Variants in NRXN3 observed in about 807,000 individuals in gnomAD.
The protein encoded by NRXN3 is neurexin III.
Under a neutral mutation model 137.6 loss-of-function variants are expected in NRXN3, and 32 were observed. The observed-to-expected ratio is 0.23, with a 90% confidence interval of 0.18 to 0.31. The LOEUF (loss-of-function observed/expected upper bound fraction) is 0.31. Ranked by LOEUF, NRXN3 falls within the 10% of genes least tolerant of loss-of-function variation. The probability of loss-of-function intolerance (pLI) is 1.00; values close to 1 mark genes in which losing one functional copy is unlikely to be tolerated. For missense variants in NRXN3, 1,574 were observed against 2,062.5 expected (o/e 0.76, Z 4.59); for synonymous variants, 798 against 784.5 (o/e 1.02, Z -0.29).
intron 15 of NRXN3, among the ~76,000 whole-genome samples, chr14:79,400,091 A>G (rs546750526): frequency 2.4e-4 from 36 of 152,340 alleles, no homozygotes; most frequent in African/African-American, 7.2e-5. Context: ...CCCTAATCCA[A>G]TATGACCTCA....
intron 16 of NRXN3, among the ~76,000 whole-genome samples, chr14:79,543,833 G>A (rs1459655597): frequency 6.6e-6 from 1 of 152,164 alleles, no homozygotes; most frequent in Non-Finnish European, 1.5e-5. Context: ...TGAGTTTAGA[G>A]TTGTCAGCTT....
At chr14:79,164,820 T>C (rs2061139674) in intron 15 of NRXN3, among the ~76,000 whole-genome samples, 1 of 152,030 alleles carries the variant, frequency 6.6e-6, no homozygotes, top group Admixed American at 6.6e-5. Context: ...GTCTCCTTAC[T>C]GAAATTTTAT....
At chr14:79,162,948 C>T (rs915106233) in intron 15 of NRXN3, among the ~76,000 whole-genome samples, 8 of 151,922 alleles carry the variant, frequency 5.3e-5, no homozygotes, top group Admixed American at 1.3e-4. Flanking sequence ...TTTTATTTCT[C>T]CTCTCTTACA....
intron 2 of NRXN3, among the ~76,000 whole-genome samples, chr14:78,248,817 G>T (rs1259101351): frequency 6.6e-6 from 1 of 152,120 alleles, no homozygotes; most frequent in Non-Finnish European, 1.5e-5. Context: ...CAGAAGCAGG[G>T]CCTTAAAATG....
intron 20 of NRXN3, among the ~76,000 whole-genome samples, chr14:79,818,528 T>C (rs1157685568): frequency 6.6e-6 from 1 of 152,142 alleles, no homozygotes; most frequent in African/African-American, 2.4e-5. Context: ...TAGAACACAG[T>C]GATTTAGGTG....
chr14:79,751,231 T>A (rs1161251974), intron 19 of NRXN3, among the ~76,000 whole-genome samples: 1 of 152,106 alleles, frequency 6.6e-6, no homozygotes, highest in East Asian at 1.9e-4. Context: ...TTTGTTTGTA[T>A]CCTCTTTTAT....
At chr14:78,914,001 G>A (rs958227841) in intron 10 of NRXN3, among the ~76,000 whole-genome samples, 1 of 152,060 alleles carries the variant, frequency 6.6e-6, no homozygotes. Context: ...GTTCTGTGCC[G>A]GAGTCTCTGA....
chr14:78,178,070 T>C (rs1416326470), intron 1 of NRXN3: 1 of 152,238 alleles, frequency 6.6e-6, no homozygotes, highest in East Asian at 1.9e-4. Flanking sequence ...GTCTTACAAA[T>C]GAAGTAACTG....
chr14:79,103,789 G>T (rs1271517671), intron 15 of NRXN3, among the ~76,000 whole-genome samples: 7 of 152,134 alleles, frequency 4.6e-5, no homozygotes. Flanking sequence ...CTGTATTTCA[G>T]TTCTCAAATG....
intron 15 of NRXN3, among the ~76,000 whole-genome samples, chr14:79,241,178 G>C (rs532218980): frequency 6.6e-6 from 1 of 152,098 alleles, no homozygotes; most frequent in Admixed American, 6.6e-5. Flanking sequence ...CTCTGAGATA[G>C]GACAAGATGA....
At chr14:78,341,403 T>C (rs1049699034) in intron 4 of NRXN3, among the ~76,000 whole-genome samples, 11 of 152,250 alleles carry the variant, frequency 7.2e-5, no homozygotes, top group Admixed American at 3.3e-4. Flanking sequence ...AGAAGCTAGG[T>C]CTGTAAAGGC....
chr14:79,654,185 T>C (rs527975405), intron 16 of NRXN3, among the ~76,000 whole-genome samples: 1 of 152,248 alleles, frequency 6.6e-6, no homozygotes, highest in East Asian at 1.9e-4. Flanking sequence ...TTTCTTCCAA[T>C]AGGTGAATGA....
At chr14:79,354,065 G>T (rs893357411) in intron 15 of NRXN3, among the ~76,000 whole-genome samples, 71 of 152,040 alleles carry the variant, frequency 4.7e-4, no homozygotes, top group African/African-American at 1.6e-3. Flanking sequence ...AATGTTTTCC[G>T]ACCCTAAGTG....
At chr14:79,479,919 A>G (rs1266049385) in intron 16 of NRXN3, among the ~76,000 whole-genome samples, 2 of 152,160 alleles carry the variant, frequency 1.3e-5, no homozygotes, top group African/African-American at 4.8e-5. Context: ...TTAGTGTATC[A>G]AAGAAAAGAT....
intron 16 of NRXN3, among the ~76,000 whole-genome samples, chr14:79,570,298 T>A (rs368714129): frequency 1.6e-4 from 24 of 152,276 alleles, no homozygotes; most frequent in African/African-American, 5.5e-4. Flanking sequence ...TGCTGCCTTC[T>A]ATGCTCCCCA....
At chr14:79,082,342 G>A (rs1160826903) in intron 15 of NRXN3, among the ~76,000 whole-genome samples, 1 of 151,022 alleles carries the variant, frequency 6.6e-6, no homozygotes, top group Non-Finnish European at 1.5e-5. Flanking sequence ...ATTTTTAAAA[G>A]GAGTGAAAAC....
intron 15 of NRXN3, among the ~76,000 whole-genome samples, chr14:79,126,627 A>G (rs1005734909): frequency 1.5e-4 from 23 of 152,092 alleles, no homozygotes; most frequent in South Asian, 4.1e-4. Context: ...TAATGCCGCA[A>G]TAAACATACG....
intron 16 of NRXN3, among the ~76,000 whole-genome samples, chr14:79,569,931 G>GA (rs890978077): frequency 6.6e-6 from 1 of 151,704 alleles, no homozygotes; most frequent in East Asian, 1.9e-4. Flanking sequence ...TTTAATGTCT[G>GA]AAAAAAAAGA....
intron 19 of NRXN3, among the ~76,000 whole-genome samples, chr14:79,713,883 ATTT>A (rs1334288540): frequency 6.6e-6 from 1 of 151,968 alleles, no homozygotes; most frequent in African/African-American, 2.4e-5. Context: ...AGATGCTTAT[ATTT>A]TTGAGAGGAG....
Sources: gnomAD v4.1 joint callset for allele counts (sites outside exome capture counted in the v4.1 genomes callset) on GRCh38, gnomAD v4.1.1 for gene constraint, MANE v1.5 for transcripts, NCBI Gene and HGNC (gene_info 2026-07-23, HGNC 2026-07-21) for gene names.